The following FGF12 variants were observed in gnomAD, a reference collection of about 807,000 sequenced individuals.
The protein encoded by FGF12 is fibroblast growth factor 12B.
Under a neutral mutation model 23.6 loss-of-function variants are expected in FGF12, and 14 were observed. That is an observed-to-expected ratio of 0.59 (90% CI 0.39 to 0.93). The LOEUF (loss-of-function observed/expected upper bound fraction) is 0.93, where lower values mean the gene tolerates loss of function less well. Ranked by LOEUF, FGF12 falls within the 40% of genes least tolerant of loss-of-function variation. The pLI, the probability that FGF12 is intolerant of heterozygous loss-of-function variation, is 0.00. For synonymous variants in FGF12, 62 were observed against 77.3 expected, an observed-to-expected ratio of 0.80 and a Z score of 1.04; for missense variants, 175 against 217.8, an observed-to-expected ratio of 0.80 and a Z score of 1.24.
At chr3:192,664,926 AC>A (rs2108687411) in intron 2 of FGF12, among the ~76,000 whole-genome samples, 1 of 152,342 alleles carries the variant, frequency 6.6e-6, no homozygotes, top group East Asian at 1.9e-4. Context: ...GCTAAGTAAT[AC>A]CTACCCAGTA....
intron 4 of FGF12, among the ~76,000 whole-genome samples, chr3:192,321,274 C>CA (rs1560068426): frequency 6.6e-6 from 1 of 151,994 alleles, no homozygotes; most frequent in African/African-American, 2.4e-5. Context: ...AAAACCCGAA[C>CA]AGACCAGTAA....
intron 4 of FGF12, among the ~76,000 whole-genome samples, chr3:192,198,274 C>G (rs1256938382): frequency 6.6e-6 from 1 of 152,068 alleles, no homozygotes; most frequent in Admixed American, 6.5e-5. Context: ...AAATTAGAAG[C>G]AAATGTTCAC....
rs10663137 is a variant in FGF12 at position 192,305,666 on chromosome 3, GAAA to G, written c.228+29692_228+29694del. On this transcript the variant is annotated intron_variant, in intron 4 of 5. Coordinates refer to ENST00000445105, the MANE Select transcript of FGF12 (RefSeq NM_004113.6). ...AATAAGGGAGAGAAAGGTGGCTTAGGAAAAAAAAAAAAAATATATATATATATA... is the reference window on the plus strand; with the variant it reads ...AATAAGGGAGAGAAAGGTGGCTTAGGAAAAAAAAAAATATATATATATATA... 1.4e-3 allele frequency among the ~76,000 whole-genome samples: 180 copies of G among 125,172 alleles called. 1 individual carries two copies. The highest frequency in any genetic ancestry group is 0.012 in the South Asian group (42 of 3,614). 82.1% of individuals were successfully genotyped at this position (125,172 alleles called of 152,430 possible).
chr3:192,347,122 G>A lies in FGF12; in HGVS notation c.125-11658C>T, dbSNP rs182250427. 2.6e-5 allele frequency among the ~76,000 whole-genome samples: 4 copies of A among 152,262 alleles called. No individual in the cohort carries two copies. In the East Asian group the frequency reaches 7.7e-4, roughly 29 times the overall value. ...TAATTAAATAAAATTGCCTGGAATT[G>A]AAGACAAGTACTTTTTAACTCCCCA... On this transcript the variant is annotated intron_variant, in intron 3 of 5. Coordinates refer to ENST00000445105, the MANE Select transcript of FGF12 (RefSeq NM_004113.6).
At chr3:192,577,299 T>G (rs563695702) in intron 2 of FGF12, among the ~76,000 whole-genome samples, 1 of 152,358 alleles carries the variant, frequency 6.6e-6, no homozygotes, top group Non-Finnish European at 1.5e-5. Flanking sequence ...TTTTCTATAC[T>G]TTTCTACTTT....
At chr3:192,541,051 T>G (rs1004742428) in intron 2 of FGF12, among the ~76,000 whole-genome samples, 1 of 152,132 alleles carries the variant, frequency 6.6e-6, no homozygotes, top group Admixed American at 6.5e-5. Flanking sequence ...CAACTTATCA[T>G]TGGGTCTTGT....
At chr3:192,183,950 T>C (rs1334814446) in intron 4 of FGF12, among the ~76,000 whole-genome samples, 1 of 152,160 alleles carries the variant, frequency 6.6e-6, no homozygotes, top group Non-Finnish European at 1.5e-5. Context: ...AATCCAGGCA[T>C]GGTGGCTCAC....
At chr3:192,176,265 G>C (rs548758337) in intron 4 of FGF12, among the ~76,000 whole-genome samples, 105 of 152,282 alleles carry the variant, frequency 6.9e-4, no homozygotes, top group African/African-American at 2.4e-3. Flanking sequence ...CATAACAGAT[G>C]CTCTTTCAAG....
chr3:192,552,322 G>A (rs1269880359), intron 2 of FGF12, among the ~76,000 whole-genome samples: 1 of 152,042 alleles, frequency 6.6e-6, no homozygotes, highest in Non-Finnish European at 1.5e-5. Flanking sequence ...AAGAAAAGGA[G>A]ACGGAGGAGG....
At position 192,167,777 on chromosome 3, in the gene FGF12, T is replaced by A. The variant is rs1223280077; in HGVS notation, c.427+2681A>T. 5.2e-3 allele frequency among the ~76,000 whole-genome samples: 198 copies of A among 38,214 alleles called. 20 individuals are homozygous for A. The highest frequency in any genetic ancestry group is 0.034 in the Middle Eastern group (2 of 58). The allele number at this position is 38,214 out of a possible 152,430, so 25.1% of individuals were successfully genotyped here. ...TATATATATATATATATAAAATTTT[T>A]TTTTTTTTTTTTTTTTGAGAAAGAA... On this transcript the variant is annotated intron_variant, in intron 5 of 5. Transcript: ENST00000445105.
chr3:192,468,452 T>A (rs771852216), intron 2 of FGF12, among the ~76,000 whole-genome samples: 25 of 152,222 alleles, frequency 1.6e-4, no homozygotes, highest in Non-Finnish European at 3.1e-4. Context: ...TCTTTCATAA[T>A]CTTGACACTT....
intron 4 of FGF12, among the ~76,000 whole-genome samples, chr3:192,215,276 C>G (rs1370367689): frequency 6.6e-6 from 1 of 152,192 alleles, no homozygotes; most frequent in African/African-American, 2.4e-5. Context: ...GCACTAATCT[C>G]TGTCTCAGAG....
At chr3:192,476,651 T>A (rs184238287) in intron 2 of FGF12, among the ~76,000 whole-genome samples, 26 of 152,282 alleles carry the variant, frequency 1.7e-4, no homozygotes, top group African/African-American at 6.3e-4. Context: ...AACTTTGGGA[T>A]CTGAGAACAA....
Position 192,514,695 on chromosome 3 carries a change from C to T in FGF12, c.14-154157G>A. On this transcript the variant is annotated intron_variant, in intron 2 of 5. Transcript: ENST00000445105. The surrounding 1 kb of genome is among the most constrained non-coding windows in gnomAD (Gnocchi z 4.9). Reference sequence around the variant, plus strand: ...TTGGGCTGTCGCTGGACCTCAGGCTCCTTCCACAGAGACACTGCAGCATAT... The same window carrying T: ...TTGGGCTGTCGCTGGACCTCAGGCTTCTTCCACAGAGACACTGCAGCATAT... 1 of 985,392 alleles carries T rather than the reference C, an allele frequency of 1.0e-6. No individual in the cohort carries two copies. The highest frequency in any genetic ancestry group is 1.2e-6 in the Non-Finnish European group (1 of 829,924). 61.0% of individuals were successfully genotyped at this position (985,392 alleles called of 1,614,324 possible). A position where few individuals can be genotyped will look rare whatever the true frequency, so the allele number is the denominator to read the frequency against.
intron 2 of FGF12, among the ~76,000 whole-genome samples, chr3:192,485,166 T>C (rs1425000134): frequency 1.3e-5 from 2 of 152,176 alleles, no homozygotes; most frequent in Admixed American, 1.3e-4. Flanking sequence ...TGCATAAGTA[T>C]GTTTATCTAT....
chr3:192,707,475 C>T (rs746949907), intron 2 of FGF12, among the ~76,000 whole-genome samples: 3 of 152,026 alleles, frequency 2.0e-5, no homozygotes, highest in African/African-American at 7.2e-5. Context: ...TAGCTGGGTG[C>T]GGTGGCTCAC....
chr3:192,576,352 A>C (rs1347568835), intron 2 of FGF12, among the ~76,000 whole-genome samples: 1 of 152,212 alleles, frequency 6.6e-6, no homozygotes, highest in Non-Finnish European at 1.5e-5. Flanking sequence ...AGCTGAAGGT[A>C]AGTCAGATAA....
At chr3:192,184,385 T>C (rs1716343080) in intron 4 of FGF12, among the ~76,000 whole-genome samples, 1 of 152,262 alleles carries the variant, frequency 6.6e-6, no homozygotes, top group Admixed American at 6.5e-5. Flanking sequence ...AGGAAGTTAT[T>C]TGCTCTTGAT....
intron 2 of FGF12, among the ~76,000 whole-genome samples, chr3:192,626,998 T>C (rs182679216): frequency 8.1e-4 from 124 of 152,330 alleles, no homozygotes; most frequent in African/African-American, 3.0e-3. Flanking sequence ...ATGAGACGTA[T>C]TACTACTAAC....
Sources: gnomAD v4.1 joint callset for allele counts (sites outside exome capture counted in the v4.1 genomes callset) on GRCh38, gnomAD v4.1.1 for gene constraint, Gnocchi (gnomAD v3.1) non-coding constraint, MANE v1.5 for transcripts, NCBI Gene and HGNC (gene_info 2026-07-23, HGNC 2026-07-21) for gene names.